CNTN4: variants seen among roughly 807,000 people sequenced by gnomAD.
The protein encoded by CNTN4 is contactin-4.
CNTN4 carries 77 observed loss-of-function variants against 122.5 expected under a neutral mutation model. The observed-to-expected ratio is 0.63, with a 90% CI of 0.52 to 0.76. CNTN4 has a LOEUF of 0.76. Ranked by LOEUF, CNTN4 falls within the 30% of genes least tolerant of loss-of-function variation. The pLI is 0.00. For synonymous variants in CNTN4, 512 were observed against 447.0 expected, an observed-to-expected ratio of 1.15 and a Z score of -1.83; for missense variants, 1,256 against 1,259.1, an observed-to-expected ratio of 1.00 and a Z score of 0.04.
intron 2 of CNTN4, among the ~76,000 whole-genome samples, chr3:2,272,634 C>T (rs11928033): frequency 0.55 from 82,910 of 151,976 alleles, 23,132 homozygotes; most frequent in South Asian, 0.68. Context: ...AACTTACTCT[C>T]ATTTGATTAT....
At chr3:2,338,037 G>A (rs1288550719) in intron 2 of CNTN4, among the ~76,000 whole-genome samples, 1 of 152,028 alleles carries the variant, frequency 6.6e-6, no homozygotes, top group Non-Finnish European at 1.5e-5. Flanking sequence ...TGATGTATTT[G>A]TGATTCAGAA....
chr3:2,809,754 A>G (rs186640004), intron 6 of CNTN4, among the ~76,000 whole-genome samples: 1 of 152,224 alleles, frequency 6.6e-6, no homozygotes, highest in African/African-American at 2.4e-5. Flanking sequence ...TAACGGTGCC[A>G]TATCTCACTA....
chr3:2,691,123 T>C (rs1228658107), intron 4 of CNTN4, among the ~76,000 whole-genome samples: 11 of 152,206 alleles, frequency 7.2e-5, no homozygotes, highest in Non-Finnish European at 1.2e-4. Flanking sequence ...TATGTATGGC[T>C]TGTCTCTGCA....
At chr3:2,814,877 A>G (rs947087449) in intron 6 of CNTN4, among the ~76,000 whole-genome samples, 15 of 152,236 alleles carry the variant, frequency 9.9e-5, no homozygotes, top group African/African-American at 3.6e-4. Flanking sequence ...ATCAAATAAG[A>G]AAAGTACTTG....
intron 2 of CNTN4, among the ~76,000 whole-genome samples, chr3:2,294,573 G>A (rs552750161): frequency 1.3e-5 from 2 of 152,296 alleles, no homozygotes; most frequent in Admixed American, 1.3e-4. Context: ...AGATGTTGCA[G>A]TGAGCCGAGA....
chr3:2,258,772 C>T (rs1215733608), intron 2 of CNTN4, among the ~76,000 whole-genome samples: 1 of 151,876 alleles, frequency 6.6e-6, no homozygotes, highest in Non-Finnish European at 1.5e-5. Context: ...GAGTTCCTAA[C>T]CTTTTTATAT....
intron 2 of CNTN4, among the ~76,000 whole-genome samples, chr3:2,125,592 A>G (rs1383923716): frequency 7.1e-6 from 1 of 141,500 alleles, no homozygotes. Context: ...CGAGTCTCAC[A>G]CTGGCACCCA....
chr3:2,741,076 G>A (rs1241163403), intron 5 of CNTN4, among the ~76,000 whole-genome samples: 2 of 152,122 alleles, frequency 1.3e-5, no homozygotes, highest in African/African-American at 2.4e-5. Context: ...TGAAAAATAC[G>A]TCATATAGAC....
intron 3 of CNTN4, among the ~76,000 whole-genome samples, chr3:2,430,763 C>G (rs1251849281): frequency 6.6e-6 from 1 of 152,024 alleles, no homozygotes; most frequent in Non-Finnish European, 1.5e-5. Flanking sequence ...CTATATTATT[C>G]TACATGTGTT....
intron 2 of CNTN4, among the ~76,000 whole-genome samples, chr3:2,236,775 C>T (rs2039696401): frequency 6.6e-6 from 1 of 152,138 alleles, no homozygotes; most frequent in South Asian, 2.1e-4. Context: ...ATCAGGATGC[C>T]ACTCTCATTT....
At chr3:2,387,641 A>T (rs890447630) in intron 3 of CNTN4, among the ~76,000 whole-genome samples, 3 of 152,188 alleles carry the variant, frequency 2.0e-5, no homozygotes, top group Admixed American at 6.5e-5. Context: ...AAACCTAAAG[A>T]TAGCTGGATG....
chr3:2,164,668 C>G (rs1254316717), intron 2 of CNTN4, among the ~76,000 whole-genome samples: 2 of 152,144 alleles, frequency 1.3e-5, no homozygotes, highest in Non-Finnish European at 2.9e-5. Flanking sequence ...GAGAATTTGA[C>G]TATTATCCAG....
intron 4 of CNTN4, among the ~76,000 whole-genome samples, chr3:2,666,622 C>A (rs1268453739): frequency 4.0e-5 from 6 of 151,480 alleles, no homozygotes; most frequent in Non-Finnish European, 8.8e-5. Flanking sequence ...ACTTTAAGTT[C>A]TAGGGTACAT....
chr3:2,390,215 A>AGTGTGTGT (rs142190283), intron 3 of CNTN4, among the ~76,000 whole-genome samples: 4,389 of 144,828 alleles, frequency 0.03, 107 homozygotes, highest in African/African-American at 0.063. Flanking sequence ...AGGAAAAAAG[A>AGTGTGTGT]GTGTGTGTGT....
At chr3:2,143,239 T>C (rs1296302031) in intron 2 of CNTN4, among the ~76,000 whole-genome samples, 1 of 152,220 alleles carries the variant, frequency 6.6e-6, no homozygotes, top group Admixed American at 6.5e-5. Context: ...ATTAATAAAA[T>C]AGTTCAGGTT....
intron 3 of CNTN4, among the ~76,000 whole-genome samples, chr3:2,378,608 T>A (rs1417170549): frequency 6.6e-6 from 1 of 152,210 alleles, no homozygotes; most frequent in Non-Finnish European, 1.5e-5. Flanking sequence ...GTTTATCATT[T>A]CATTAGCCCA....
chr3:2,223,963 CAGGT>C (rs909589944), intron 2 of CNTN4, among the ~76,000 whole-genome samples: 6 of 151,982 alleles, frequency 3.9e-5, no homozygotes, highest in Non-Finnish European at 8.8e-5. Context: ...TCTTGGGGGG[CAGGT>C]AGGTGTGGAG....
At chr3:2,893,602 T>TA (rs1423299501) in intron 10 of CNTN4, among the ~76,000 whole-genome samples, 1 of 152,072 alleles carries the variant, frequency 6.6e-6, no homozygotes, top group Non-Finnish European at 1.5e-5. Flanking sequence ...TTGCGAATAA[T>TA]AGAGAGAATT....
intron 12 of CNTN4, among the ~76,000 whole-genome samples, chr3:2,909,459 C>T (rs1339529509): frequency 6.6e-6 from 1 of 151,162 alleles, no homozygotes; most frequent in Non-Finnish European, 1.5e-5. Flanking sequence ...ATACCAAACA[C>T]TTAGAGATAG....
Sources: gnomAD v4.1 joint callset for allele counts (sites outside exome capture counted in the v4.1 genomes callset) on GRCh38, gnomAD v4.1.1 for gene constraint, MANE v1.5 for transcripts, NCBI Gene and HGNC (gene_info 2026-07-23, HGNC 2026-07-21) for gene names.